Variants in FOXJ2 observed in about 807,000 individuals in gnomAD.
The protein encoded by FOXJ2 is forkhead box protein J2.
Under a neutral mutation model 68.4 loss-of-function variants are expected in FOXJ2, and 18 were observed. The observed-to-expected ratio is 0.26, with a 90% CI of 0.18 to 0.39. FOXJ2 has a LOEUF of 0.39. Among genes scored for constraint, FOXJ2 ranks in the 10% least tolerant of loss-of-function variants. FOXJ2 has a pLI of 1.00. For missense variants in FOXJ2, 670 were observed against 726.5 expected (o/e 0.92, Z 0.89); for synonymous variants, 274 against 263.2 (o/e 1.04, Z -0.40).
In FOXJ2 at chr12:8,042,641, C is replaced by T. The variant is rs376119930; in HGVS notation, c.334-17C>T. ...CTGCATAATGCTCAGGCCTAACTTG[C>T]TTCTCTGCCTCTCCAGAATTCAATA... On this transcript the variant is annotated splice_polypyrimidine_tract_variant and intron_variant, in intron 2 of 10. Coordinates refer to ENST00000162391, the MANE Select transcript of FOXJ2 (RefSeq NM_018416.3). 42 of 1,613,178 alleles carry T rather than the reference C, an allele frequency of 2.6e-5. No homozygotes were observed. The highest frequency in any genetic ancestry group is 3.6e-5 in the Non-Finnish European group (42 of 1,179,294).
rs1001074833 is a variant in FOXJ2, at chr12:8,052,937, C to T, written c.*87C>T. On this transcript the variant is annotated 3_prime_UTR_variant, in exon 11 of 11. Transcript: ENST00000162391. ...AGCAACCCCAGCCCGTCCCTTCCCC[C>T]CGTCTGTATATAGACATATATCCTC... 2.0e-6 allele frequency: 2 copies of T among 985,440 alleles called. No homozygotes were observed. Among genetic ancestry groups the T allele is most frequent in the African/African-American group, 1.6e-5 (1 of 62,250 alleles). The allele number at this position is 985,440 out of a possible 1,614,324, so 61.0% of individuals were successfully genotyped here. A position where few individuals can be genotyped will look rare whatever the true frequency, so the allele number is the denominator to read the frequency against.
At position 8,053,634 on chromosome 12, in the gene FOXJ2, G is replaced by A. The variant is rs1230130957; in HGVS notation, c.*784G>A. On this transcript the variant is annotated 3_prime_UTR_variant, in exon 11 of 11. Coordinates refer to ENST00000162391, the MANE Select transcript of FOXJ2 (RefSeq NM_018416.3). The surrounding 1 kb of genome is among the most constrained non-coding windows in gnomAD (Gnocchi z 4.1). Reference sequence around the variant, plus strand: ...TTGAGCCTGTTCTCTAAGAAGATAGGATTGGTTTTAGCCCAAACTCTGCTT... The same window carrying A: ...TTGAGCCTGTTCTCTAAGAAGATAGAATTGGTTTTAGCCCAAACTCTGCTT... The A allele has an allele frequency of 6.6e-6, 1 of 152,294 alleles. No homozygotes were observed. The highest frequency in any genetic ancestry group is 2.4e-5 in the African/African-American group (1 of 41,440). 9.4% of individuals were successfully genotyped at this position (152,294 alleles called of 1,614,324 possible).
In FOXJ2 at chr12:8,052,971, C is replaced by G. The variant is rs1386302783; in HGVS notation, c.*121C>G. The G allele has an allele frequency of 5.1e-6, 3 of 592,052 alleles. No homozygotes were observed. In the African/African-American group the frequency reaches 5.5e-5, roughly 11 times the overall value. 36.7% of individuals were successfully genotyped at this position (592,052 alleles called of 1,614,324 possible). ...TATAGACATATATCCTCTTTTTGTT[C>G]TTTCTCTGTCAGAGAAGCCACTGCA... On this transcript the variant is annotated 3_prime_UTR_variant, in exon 11 of 11. Coordinates refer to ENST00000162391, the MANE Select transcript of FOXJ2 (RefSeq NM_018416.3).
chr12:8,044,497 G>A (rs556903527), intron 5 of FOXJ2, among the ~76,000 whole-genome samples: 10 of 152,032 alleles, frequency 6.6e-5, no homozygotes, highest in African/African-American at 1.2e-4. Flanking sequence ...CACTTGAACC[G>A]GGGAGGTGGA....
rs1158195098 is a variant in FOXJ2, at chr12:8,038,338, G to A, written c.-14-1481G>A. Among the ~76,000 whole-genome samples the A allele has an allele frequency of 6.6e-6, 1 of 152,142 alleles. No homozygotes were observed. The highest frequency in any genetic ancestry group is 1.5e-5 in the Non-Finnish European group (1 of 68,024). On this transcript the variant is annotated intron_variant, in intron 1 of 10. Coordinates refer to ENST00000162391, the MANE Select transcript of FOXJ2 (RefSeq NM_018416.3). This position sits in a 1 kb window ranked among gnomAD's most constrained non-coding sequence, Gnocchi z 5.3. ...GATGTGTTGGAGTCAGGAGAGAGGG[G>A]GACATGGTCCTATCTGCTGTTGAGC...
Position 8,032,821 on chromosome 12 carries a change from C to T in FOXJ2, c.-1027C>T. On this transcript the variant is annotated 5_prime_UTR_variant, in exon 1 of 11. Transcript: ENST00000162391. The surrounding 1 kb of genome is among the most constrained non-coding windows in gnomAD (Gnocchi z 4.8). ...CTGGTCGGAGCCCGAGCGGTGGCAG[C>T]GCGGGGAGCCCCACGCGCCGAAGGG... 2.5e-6 allele frequency: 1 copy of T among 398,072 alleles called. No homozygotes were observed. Among genetic ancestry groups the T allele is most frequent in the Non-Finnish European group, 4.4e-6 (1 of 225,760 alleles). The allele number at this position is 398,072 out of a possible 1,614,324, so 24.7% of individuals were successfully genotyped here. A position where few individuals can be genotyped will look rare whatever the true frequency, so the allele number is the denominator to read the frequency against.
Position 8,055,362 on chromosome 12 carries a change from C to T in FOXJ2, c.*2512C>T, listed in dbSNP as rs1203189152. ...AACCTTTCTCTCCTCAGTCCCTGCT[C>T]CTCATGTTTCTGGTTTGGTGAGTCC... On this transcript the variant is annotated 3_prime_UTR_variant, in exon 11 of 11. Coordinates refer to ENST00000162391, the MANE Select transcript of FOXJ2 (RefSeq NM_018416.3). 3.3e-5 allele frequency: 5 copies of T among 152,570 alleles called. No homozygotes were observed. 9.5% of individuals were successfully genotyped at this position (152,570 alleles called of 1,614,324 possible). A position where few individuals can be genotyped will look rare whatever the true frequency, so the allele number is the denominator to read the frequency against.
chr12:8,047,756 T>C (rs2121345456), intron 6 of FOXJ2, 126 bp from the exon 7 acceptor site: 1 of 1,279,956 alleles, frequency 7.8e-7, no homozygotes, highest in South Asian at 1.4e-5. Context: ...TTTGCTGCCC[T>C]AGAATGTTCT....
In FOXJ2 at chr12:8,048,192, C is replaced by T. The variant is rs150014429; in HGVS notation, c.1128C>T (p.His376=). The T allele has an allele frequency of 1.4e-5, 23 of 1,613,706 alleles. No homozygotes were observed. In the African/African-American group the frequency reaches 2.5e-4, roughly 18 times the overall value. ...CCCCGCTGCAGCATGGAGGCTACCA[C>T]CCTCATCAGCACCATCCCCACTCCC... is the stretch of plus-strand genomic sequence containing the variant. ...HPPPLQHGGY[H]PHQHHPHSHP... is the part of the protein sequence containing the mutation. Residue 376 remains histidine (H), a synonymous_variant, in exon 7 of 11, where the codon CAC becomes CAT. Transcript: ENST00000162391.
chr12:8,052,890 T>C lies in FOXJ2; in HGVS notation c.*40T>C, dbSNP rs1487716122. On this transcript the variant is annotated 3_prime_UTR_variant, in exon 11 of 11. Coordinates refer to ENST00000162391, the MANE Select transcript of FOXJ2 (RefSeq NM_018416.3). ...TGGACATCAGCCCAGGGCCGCGTGG[T>C]GAAATCTGGCAGTGGGGAAAGAGCA... 6.5e-7 allele frequency: 1 copy of C among 1,543,178 alleles called. No individual in the cohort carries two copies. The highest frequency in any genetic ancestry group is 8.9e-7 in the Non-Finnish European group (1 of 1,128,746).
At position 8,043,926 on chromosome 12, in the gene FOXJ2, A is replaced by G. The variant is rs368980905; in HGVS notation, c.478-25A>G. On this transcript the variant is annotated intron_variant, in intron 4 of 10. Transcript: ENST00000162391. ...GAGGATATTGCGCCTCTGCTTATAG[A>G]TTTCTTTTTTTTCACAACCCTCAGC... 3.2e-6 allele frequency: 5 copies of G among 1,549,092 alleles called. No homozygotes were observed. The African/African-American group carries it at 5.5e-5, about 17-fold the overall frequency.
intron 2 of FOXJ2, 48 bp from the exon 3 acceptor site, chr12:8,042,610 T>G: frequency 6.6e-7 from 1 of 1,505,194 alleles, no homozygotes; most frequent in Non-Finnish European, 9.2e-7. Context: ...TGGAAAATGT[T>G]CTGCTCTGCA....
rs772566836 is a variant in FOXJ2 at position 8,044,849 on chromosome 12, C to T, written c.708C>T (p.Asn236=). The T allele has an allele frequency of 9.9e-6, 16 of 1,613,952 alleles. No homozygotes were observed. The South Asian group carries it at 1.4e-4, about 14-fold the overall frequency. Reference sequence around the variant, plus strand: ...GTCCCCCTCCCCTCTATAACACCAACCATGACTTTAAATTCTCCTACTCAG... The same window carrying T: ...GTCCCCCTCCCCTCTATAACACCAATCATGACTTTAAATTCTCCTACTCAG... The part of the protein sequence containing the change: ...AEGPPPLYNT[N]HDFKFSYSEI... The change falls in exon 6 of 11, where the codon AAC becomes AAT. Residue 236 remains asparagine (N), a synonymous_variant. Coordinates refer to ENST00000162391, the MANE Select transcript of FOXJ2 (RefSeq NM_018416.3).
Position 8,038,225 on chromosome 12 carries a change from C to G in FOXJ2, c.-14-1594C>G, listed in dbSNP as rs11057003. Among the ~76,000 whole-genome samples the G allele has an allele frequency of 0.11, 17,330 of 151,990 alleles. 2,696 individuals carry two copies. The highest frequency in any genetic ancestry group is 0.34 in the African/African-American group (14,231 of 41,402). ...GGACCTTGGGGAGAGGGGAGTAAGT[C>G]AGAATGCTGACCCCTAGGAGAAAGG... On this transcript the variant is annotated intron_variant, in intron 1 of 10. Transcript: ENST00000162391. This position sits in a 1 kb window ranked among gnomAD's most constrained non-coding sequence, Gnocchi z 5.3.
chr12:8,043,771 T>TA lies in FOXJ2; in HGVS notation c.477+4dup. 1.2e-6 allele frequency: 2 copies of TA among 1,614,206 alleles called. No homozygotes were observed. The highest frequency in any genetic ancestry group is 1.7e-6 in the Non-Finnish European group (2 of 1,180,012). Reference sequence around the variant, plus strand: ...AGAAGACACCCTCCAGATGATGATGTAAGTTCCCAGCTCATGAGGAGATGC... The same window carrying TA: ...AGAAGACACCCTCCAGATGATGATGTAAAGTTCCCAGCTCATGAGGAGATGC... On this transcript the variant is annotated splice_region_variant and intron_variant, in intron 4 of 10. Coordinates refer to ENST00000162391, the MANE Select transcript of FOXJ2 (RefSeq NM_018416.3).
rs1413947848 is a variant in FOXJ2 at position 8,054,811 on chromosome 12, C to G, written c.*1961C>G. 1 of 152,250 alleles carries G rather than the reference C, an allele frequency of 6.6e-6. No homozygotes were observed. The highest frequency in any genetic ancestry group is 1.5e-5 in the Non-Finnish European group (1 of 68,056). 9.4% of individuals were successfully genotyped at this position (152,250 alleles called of 1,614,324 possible). A position where few individuals can be genotyped will look rare whatever the true frequency, so the allele number is the denominator to read the frequency against. On this transcript the variant is annotated 3_prime_UTR_variant, in exon 11 of 11. Transcript: ENST00000162391. ...CTTTTCCTTCCTTATTCCTTCCAGTCAGGGTGTGTCCTATACAAAACTTCC... is the reference window on the plus strand; with the variant it reads ...CTTTTCCTTCCTTATTCCTTCCAGTGAGGGTGTGTCCTATACAAAACTTCC...
At chr12:8,052,461 G>T (rs1041272586) in intron 10 of FOXJ2, among the ~76,000 whole-genome samples, 3 of 152,052 alleles carry the variant, frequency 2.0e-5, no homozygotes, top group Non-Finnish European at 4.4e-5. Context: ...CTCGTGATCC[G>T]CCTGCCTTGG....
chr12:8,044,714 C>T lies in FOXJ2; in HGVS notation c.619-46C>T, dbSNP rs963897115. ...GTGACCATTGAAGGGTTTTATTGGTCCCTCAGCTGGGACACTGATCAGGAA... is the reference window on the plus strand; with the variant it reads ...GTGACCATTGAAGGGTTTTATTGGTTCCTCAGCTGGGACACTGATCAGGAA... On this transcript the variant is annotated intron_variant, in intron 5 of 10. Coordinates refer to ENST00000162391, the MANE Select transcript of FOXJ2 (RefSeq NM_018416.3). The T allele has an allele frequency of 2.5e-6, 4 of 1,604,436 alleles. No individual in the cohort carries two copies. The African/African-American group carries it at 5.4e-5, about 21-fold the overall frequency.
rs913591956 is a variant in FOXJ2 at position 8,054,585 on chromosome 12, T to C, written c.*1735T>C. 1.3e-5 allele frequency: 2 copies of C among 152,636 alleles called. No individual in the cohort carries two copies. The highest frequency in any genetic ancestry group is 4.8e-5 in the African/African-American group (2 of 41,454). 9.5% of individuals were successfully genotyped at this position (152,636 alleles called of 1,614,324 possible). On this transcript the variant is annotated 3_prime_UTR_variant, in exon 11 of 11. Coordinates refer to ENST00000162391, the MANE Select transcript of FOXJ2 (RefSeq NM_018416.3). ...GTGAGGCTGAAGTAAAGGGGCAAGATAGGGCAGTTAACTAAAGAGCACTTT... is the reference window on the plus strand; with the variant it reads ...GTGAGGCTGAAGTAAAGGGGCAAGACAGGGCAGTTAACTAAAGAGCACTTT...
Sources: allele counts gnomAD v4.1 joint callset (sites outside exome capture counted in the v4.1 genomes callset), GRCh38; gene constraint gnomAD v4.1.1; non-coding constraint Gnocchi (gnomAD v3.1); transcripts MANE v1.5; gene names NCBI Gene and HGNC (gene_info 2026-07-23, HGNC 2026-07-21).